The following DENND2B variants were observed in gnomAD, a reference collection of about 807,000 sequenced individuals.
DENND2B encodes DENN domain containing 2B.
In DENND2B, 32 loss-of-function variants were observed where a neutral mutation model predicts 116.0. The ratio of observed to expected loss-of-function variants is 0.28; its 90% CI spans 0.21 to 0.37. The LOEUF is 0.37. Ranked by LOEUF, DENND2B falls within the 10% of genes least tolerant of loss-of-function variation. The pLI is 1.00. For missense variants in DENND2B, 1,276 were observed against 1,477.7 expected, an observed-to-expected ratio of 0.86 and a Z score of 2.24; for synonymous variants, 588 against 583.9, an observed-to-expected ratio of 1.01 and a Z score of -0.10.
At chr11:8,779,559 C>CTGCA (rs1461203536) in intron 1 of DENND2B, among the ~76,000 whole-genome samples, 3 of 141,694 alleles carry the variant, frequency 2.1e-5, no homozygotes, top group Non-Finnish European at 4.5e-5. Context: ...GTTGCCCAGG[C>CTGCA]TGCAGTACAA....
At chr11:8,902,288 T>C (rs1210700251) in intron 1 of DENND2B, among the ~76,000 whole-genome samples, 1 of 149,436 alleles carries the variant, frequency 6.7e-6, no homozygotes, top group Non-Finnish European at 1.5e-5. Context: ...ATCACACCAC[T>C]GCACTCCAGT....
At chr11:8,867,573 CTTT>C (rs33990941) in intron 2 of DENND2B, among the ~76,000 whole-genome samples, 4 of 89,248 alleles carry the variant, frequency 4.5e-5, no homozygotes, top group East Asian at 3.8e-4. Flanking sequence ...TAAAATTCAG[CTTT>C]TTTTTTTTTT....
chr11:8,821,668 T>A (rs546635185), intron 4 of DENND2B, among the ~76,000 whole-genome samples: 1 of 152,332 alleles, frequency 6.6e-6, no homozygotes, highest in Non-Finnish European at 1.5e-5. Flanking sequence ...AAGCTATAAC[T>A]ACATTAAAAT....
intron 1 of DENND2B, among the ~76,000 whole-genome samples, chr11:8,890,568 C>G (rs1423459179): frequency 6.6e-6 from 1 of 152,136 alleles, no homozygotes; most frequent in African/African-American, 2.4e-5. Flanking sequence ...AGCTGAAAAC[C>G]ATGGCATGAG....
At chr11:8,865,191 G>A (rs1023154727) in intron 2 of DENND2B, among the ~76,000 whole-genome samples, 3 of 152,106 alleles carry the variant, frequency 2.0e-5, no homozygotes, top group African/African-American at 7.2e-5. Context: ...GGCCTTAATT[G>A]GGCTAATCTG....
intron 18 of DENND2B, chr11:8,695,914 A>C (rs1392326730): frequency 3.4e-6 from 1 of 297,914 alleles, no homozygotes; most frequent in Non-Finnish European, 6.3e-6. Flanking sequence ...TAGAGGACAG[A>C]AGAAGTACTA....
intron 1 of DENND2B, chr11:8,776,683 T>G (rs2057771564): frequency 5.8e-6 from 1 of 173,544 alleles, no homozygotes; most frequent in Admixed American, 5.5e-5. Flanking sequence ...TAGAATATAT[T>G]CTATTATAAG....
intron 1 of DENND2B, among the ~76,000 whole-genome samples, chr11:8,801,641 C>T (rs2060324273): frequency 6.7e-6 from 1 of 149,122 alleles, no homozygotes; most frequent in Non-Finnish European, 1.5e-5. Flanking sequence ...CGTGCCATTT[C>T]ACTCCAGCCT....
In DENND2B at chr11:8,704,622, A is replaced by C. The variant is rs187264840; in HGVS notation, c.2572-1902T>G. ...GGTCAGTCCCTCTCCCACTCTCTACAACTAATTTATTTATTCTTCCCTCTC... is the reference window on the plus strand; with the variant it reads ...GGTCAGTCCCTCTCCCACTCTCTACCACTAATTTATTTATTCTTCCCTCTC... On this transcript the variant is annotated intron_variant, in intron 13 of 19. Coordinates refer to ENST00000313726, the MANE Select transcript of DENND2B (RefSeq NM_213618.2). 3.9e-3 allele frequency among the ~76,000 whole-genome samples: 595 copies of C among 152,290 alleles called. 3 individuals are homozygous for C. Among genetic ancestry groups the C allele is most frequent in the African/African-American group, 0.014 (569 of 41,566 alleles).
chr11:8,834,905 A>T (rs868387886), intron 4 of DENND2B, among the ~76,000 whole-genome samples: 3 of 152,202 alleles, frequency 2.0e-5, no homozygotes, highest in Non-Finnish European at 4.4e-5. Flanking sequence ...ACAAAACAAT[A>T]CCTCTGTAAA....
chr11:8,853,885 G>A (rs1313932115), intron 3 of DENND2B, among the ~76,000 whole-genome samples: 7 of 151,892 alleles, frequency 4.6e-5, no homozygotes, highest in Non-Finnish European at 1.0e-4. Flanking sequence ...GTCTCACTCT[G>A]TCGCTCAGGC....
Position 8,700,670 on chromosome 11 carries a change from C to T in DENND2B, c.2721-1280G>A, listed in dbSNP as rs529921275. 1.9e-4 allele frequency among the ~76,000 whole-genome samples: 29 copies of T among 152,288 alleles called. No homozygotes were observed. In the South Asian group the frequency reaches 5.8e-3, roughly 30 times the overall value. On this transcript the variant is annotated intron_variant, in intron 14 of 19. Coordinates refer to ENST00000313726, the MANE Select transcript of DENND2B (RefSeq NM_213618.2). ...GGCTTAATCAATGTCCAAATGACCA[C>T]TCTAGAGAAACCACTGCTTGGGATG... is the stretch of plus-strand genomic sequence containing the variant.
intron 2 of DENND2B, among the ~76,000 whole-genome samples, chr11:8,743,594 T>C (rs1340706038): frequency 6.6e-6 from 1 of 151,982 alleles, no homozygotes; most frequent in African/African-American, 2.4e-5. Flanking sequence ...TGTTGCCTCA[T>C]AGAACAGACA....
chr11:8,752,911 A>G (rs1177994601), intron 1 of DENND2B, among the ~76,000 whole-genome samples: 1 of 152,196 alleles, frequency 6.6e-6, no homozygotes, highest in Admixed American at 6.5e-5. Flanking sequence ...AGTGACTTCA[A>G]GTAAATGTGC....
chr11:8,701,882 G>A (rs1414487846), intron 14 of DENND2B, among the ~76,000 whole-genome samples: 1 of 151,780 alleles, frequency 6.6e-6, no homozygotes, highest in Non-Finnish European at 1.5e-5. Flanking sequence ...CAAGACCTGT[G>A]ACCCATCCAG....
intron 1 of DENND2B, among the ~76,000 whole-genome samples, chr11:8,900,812 C>T (rs1048233715): frequency 2.0e-5 from 3 of 151,152 alleles, no homozygotes; most frequent in African/African-American, 4.9e-5. Context: ...ACTAAAAATA[C>T]AAAAAAATTA....
intron 11 of DENND2B, 23 bp downstream of exon 11, chr11:8,710,822 G>A (rs1409874510): frequency 5.6e-6 from 9 of 1,611,746 alleles, no homozygotes; most frequent in Non-Finnish European, 7.6e-6. Flanking sequence ...CTGCTGGCCT[G>A]AGGACCGAAT....
intron 13 of DENND2B, among the ~76,000 whole-genome samples, chr11:8,704,122 TC>T (rs1213616918): frequency 6.6e-6 from 1 of 152,160 alleles, no homozygotes; most frequent in African/African-American, 2.4e-5. Flanking sequence ...GTTCCCTGCA[TC>T]CCTGCCTTCA....
upstream of DENND2B, chr11:8,810,978 G>A (rs1035957845): frequency 1.9e-5 from 5 of 262,224 alleles, no homozygotes; most frequent in Non-Finnish European, 3.6e-5. Flanking sequence ...CAGCTCAGAG[G>A]GGAGAAGGGA....
Sources: gnomAD v4.1 joint callset for allele counts (sites outside exome capture counted in the v4.1 genomes callset) on GRCh38, gnomAD v4.1.1 for gene constraint, MANE v1.5 for transcripts, NCBI Gene and HGNC (gene_info 2026-07-23, HGNC 2026-07-21) for gene names.